The following ACACA variants were observed in gnomAD, a reference collection of about 807,000 sequenced individuals.
The protein encoded by ACACA is acetyl-CoA carboxylase alpha.
A neutral mutation model predicts 296.1 loss-of-function variants in ACACA; 103 were observed. That is an observed-to-expected ratio of 0.35 (90% confidence interval 0.30 to 0.41). The LOEUF (loss-of-function observed/expected upper bound fraction) is 0.41. ACACA is among the 10% of genes least tolerant of loss of function. The pLI is 1.00. For synonymous variants in ACACA, 953 were observed against 1,038.6 expected, an observed-to-expected ratio of 0.92 and a Z score of 1.58; for missense variants, 1,554 against 2,989.7, an observed-to-expected ratio of 0.52 and a Z score of 11.20.
At chr17:37,108,878 C>T (rs1161554076) in intron 52 of ACACA, among the ~76,000 whole-genome samples, 1 of 152,140 alleles carries the variant, frequency 6.6e-6, no homozygotes, top group Admixed American at 6.5e-5. Context: ...GGAAAGAATC[C>T]TTGTTTAATT....
chr17:37,399,786 G>C (rs1440708757), intron 1 of ACACA, among the ~76,000 whole-genome samples: 5 of 152,136 alleles, frequency 3.3e-5, no homozygotes, highest in Non-Finnish European at 7.3e-5. Flanking sequence ...GCCAACTCTT[G>C]AGTGTTAAAT....
chr17:37,226,775 T>C (rs779112447), intron 25 of ACACA, among the ~76,000 whole-genome samples: 3 of 152,178 alleles, frequency 2.0e-5, no homozygotes, highest in Non-Finnish European at 4.4e-5. Flanking sequence ...AAATAATAGA[T>C]ATGTCTCAAA....
chr17:37,371,313 A>G (rs1390749231), intron 1 of ACACA, among the ~76,000 whole-genome samples: 1 of 151,844 alleles, frequency 6.6e-6, no homozygotes, highest in African/African-American at 2.4e-5. Context: ...TCCTGACCTC[A>G]GGTGATCCAC....
Position 37,161,892 on chromosome 17 carries a change from T to C in ACACA, c.5238A>G (p.Glu1746=), listed in dbSNP as rs773553872. 4 of 1,614,228 alleles carry C rather than the reference T, an allele frequency of 2.5e-6. No individual in the cohort carries two copies. The highest frequency in any genetic ancestry group is 2.2e-5 in the South Asian group (2 of 91,084). The change falls in exon 42 of 56, where the codon GAA becomes GAG. Residue 1746 remains glutamate (E), a synonymous_variant. Coordinates refer to ENST00000616317, the MANE Select transcript of ACACA (RefSeq NM_198834.3). ...FLRASELARA[E]GIPRIYVSAN... ...CTGATACATAGATGCGTGGAATACC[T>C]TCTGCCCTAGCAAGTTCGGAAGCTC...
chr17:37,325,827 G>T (rs1435206482), intron 3 of ACACA, among the ~76,000 whole-genome samples: 1 of 151,850 alleles, frequency 6.6e-6, no homozygotes, highest in Non-Finnish European at 1.5e-5. Context: ...ACCCACCTTG[G>T]CTTCCTAAAG....
At chr17:37,343,312 T>C (rs1190130234) in intron 1 of ACACA, among the ~76,000 whole-genome samples, 2 of 152,170 alleles carry the variant, frequency 1.3e-5, no homozygotes, top group African/African-American at 4.8e-5. Flanking sequence ...CAACAGATTT[T>C]ACCAAATTTA....
chr17:37,405,942 G>C (rs1444113929), intron 1 of ACACA, among the ~76,000 whole-genome samples: 1 of 142,896 alleles, frequency 7.0e-6, no homozygotes, highest in Non-Finnish European at 1.5e-5. Flanking sequence ...TAAAGTGTAA[G>C]TGAATTCTAA....
intron 25 of ACACA, among the ~76,000 whole-genome samples, chr17:37,234,572 T>C (rs1278465570): frequency 2.0e-5 from 3 of 152,194 alleles, no homozygotes; most frequent in Non-Finnish European, 4.4e-5. Flanking sequence ...GATTTCTATT[T>C]ATTTTTTTTC....
At chr17:37,105,494 C>T (rs1199315604) in intron 52 of ACACA, among the ~76,000 whole-genome samples, 1 of 151,470 alleles carries the variant, frequency 6.6e-6, no homozygotes, top group African/African-American at 2.4e-5. Flanking sequence ...AAAACAAAAC[C>T]AAAACAGTTA....
intron 35 of ACACA, among the ~76,000 whole-genome samples, chr17:37,199,065 C>A (rs2078129720): frequency 1.3e-5 from 2 of 151,806 alleles, no homozygotes; most frequent in South Asian, 4.1e-4. Flanking sequence ...CATGGTGAAC[C>A]CCTGTCTCTA....
chr17:37,397,876 T>C (rs2051131726), intron 1 of ACACA, among the ~76,000 whole-genome samples: 1 of 152,038 alleles, frequency 6.6e-6, no homozygotes, highest in African/African-American at 2.4e-5. Flanking sequence ...ATTTGCACCA[T>C]CCAGTGGCTG....
At chr17:37,375,984 T>C in intron 1 of ACACA, 1 of 854,672 alleles carries the variant, frequency 1.2e-6, no homozygotes, top group Non-Finnish European at 1.9e-6. Context: ...TCTCTCAGGG[T>C]CAAACTTGGT....
chr17:37,305,906 T>G (rs910858445), intron 3 of ACACA, among the ~76,000 whole-genome samples: 15 of 4,534 alleles, frequency 3.3e-3, no homozygotes, highest in Middle Eastern at 0.1. Context: ...TTTTTTTTGT[T>G]TTTTTTTTTT....
At chr17:37,305,333 T>TG (rs1404707494) in intron 3 of ACACA, among the ~76,000 whole-genome samples, 7 of 152,230 alleles carry the variant, frequency 4.6e-5, no homozygotes, top group African/African-American at 1.7e-4. Flanking sequence ...TCCCTAACAG[T>TG]GTGCAGCCAC....
chr17:37,251,401 C>A (rs1283870207), intron 16 of ACACA, among the ~76,000 whole-genome samples: 1 of 152,048 alleles, frequency 6.6e-6, no homozygotes, highest in East Asian at 1.9e-4. Context: ...TTTCAGATAC[C>A]TCAAAAGGGA....
In ACACA at chr17:37,097,790, A is replaced by G. The variant is rs762921007; in HGVS notation, c.6720+40T>C. 3 of 1,612,006 alleles carry G rather than the reference A, an allele frequency of 1.9e-6. No individual in the cohort carries two copies. In the East Asian group the frequency reaches 6.7e-5, roughly 36 times the overall value. ...GCAACACACACACACACTTGCCCAC[A>G]TGTGGGCCTCTGACAAGAAGTGGCA... On this transcript the variant is annotated intron_variant, in intron 53 of 55. Transcript: ENST00000616317. The surrounding 1 kb of genome is among the most constrained non-coding windows in gnomAD (Gnocchi z 4.8).
chr17:37,364,869 T>C (rs950388560), intron 1 of ACACA, among the ~76,000 whole-genome samples: 4 of 152,240 alleles, frequency 2.6e-5, no homozygotes, highest in Non-Finnish European at 5.9e-5. Context: ...TGAATCTTTC[T>C]AGTCCTTGGA....
At chr17:37,142,260 T>G (rs2075622134) in intron 45 of ACACA, among the ~76,000 whole-genome samples, 1 of 152,160 alleles carries the variant, frequency 6.6e-6, no homozygotes, top group Admixed American at 6.5e-5. Flanking sequence ...GAGCTCTGTG[T>G]GGCGATTCCA....
rs188131408 is a variant in ACACA, at chr17:37,331,149, G to A, written c.86-724C>T. Among the ~76,000 whole-genome samples, 730 of 149,856 alleles carry A rather than the reference G, an allele frequency of 4.9e-3. 4 individuals carry two copies. Among genetic ancestry groups the A allele is most frequent in the African/African-American group, 0.017 (686 of 40,674 alleles). ...TTTATTTATTTAGAGACGGAGTCTC[G>A]CTCTGTTGCCCAGGCTGGAGTGCAG... On this transcript the variant is annotated intron_variant, in intron 2 of 55. Coordinates refer to ENST00000616317, the MANE Select transcript of ACACA (RefSeq NM_198834.3).
Sources: allele counts gnomAD v4.1 joint callset (sites outside exome capture counted in the v4.1 genomes callset), GRCh38; gene constraint gnomAD v4.1.1; non-coding constraint Gnocchi (gnomAD v3.1); transcripts MANE v1.5; gene names NCBI Gene and HGNC (gene_info 2026-07-23, HGNC 2026-07-21).